Variants in GRIN2A observed in about 807,000 individuals in gnomAD.
The protein encoded by GRIN2A is glutamate ionotropic receptor NMDA type subunit 2A.
Under a neutral mutation model 113.4 loss-of-function variants are expected in GRIN2A, and 22 were observed. The observed-to-expected ratio is 0.19, with a 90% CI of 0.14 to 0.28. GRIN2A has a LOEUF of 0.28. GRIN2A is among the 10% of genes least tolerant of loss of function. GRIN2A has a pLI of 1.00. For synonymous variants in GRIN2A, 827 were observed against 738.4 expected, an observed-to-expected ratio of 1.12 and a Z score of -1.94; for missense variants, 1,502 against 1,887.0, an observed-to-expected ratio of 0.80 and a Z score of 3.78.
At chr16:10,012,370 C>A (rs1317574907) in intron 2 of GRIN2A, among the ~76,000 whole-genome samples, 5 of 152,292 alleles carry the variant, frequency 3.3e-5, no homozygotes, top group Middle Eastern at 3.4e-3. Context: ...ATGCATTTAA[C>A]CCTCATATGC....
At chr16:9,971,468 A>T (rs2045668181) in intron 2 of GRIN2A, among the ~76,000 whole-genome samples, 1 of 152,252 alleles carries the variant, frequency 6.6e-6, no homozygotes, top group South Asian at 2.1e-4. Flanking sequence ...CTCAGCTGTT[A>T]TTACATGCAG....
At chr16:9,779,735 T>A (rs1170755085) in intron 11 of GRIN2A, among the ~76,000 whole-genome samples, 2 of 144,658 alleles carry the variant, frequency 1.4e-5, no homozygotes, top group African/African-American at 4.9e-5. Flanking sequence ...TCTCAGCTCT[T>A]CCTTTGATGA....
Position 9,938,154 on chromosome 16 carries a change from T to G in GRIN2A, c.812A>C (p.Glu271Ala). 1 of 1,614,100 alleles carries G rather than the reference T, an allele frequency of 6.2e-7. No individual in the cohort carries two copies. The highest frequency in any genetic ancestry group is 8.5e-7 in the Non-Finnish European group (1 of 1,180,008). The change falls in exon 3 of 13, where the codon GAG (glutamate) becomes GCG (alanine). Residue 271 changes from glutamate (E) to alanine (A), a missense_variant. Physicochemically the swap from Glu to Ala is moderately radical, Grantham distance 107. This residue lies in a region of GRIN2A where 334 missense variants were observed against 403.0 expected (regional missense o/e 0.83). Transcript: ENST00000330684. ...GACAGAAATGAGTCCCGATGGAAAC[T>G]CTTTTGGGATGAGCTCCGTGTTCCC... The part of the protein sequence containing the change: ...VSGNTELIPK[E>A]FPSGLISVSY...
intron 3 of GRIN2A, among the ~76,000 whole-genome samples, chr16:9,891,942 G>A (rs2043702355): frequency 6.6e-6 from 1 of 151,976 alleles, no homozygotes; most frequent in East Asian, 1.9e-4. Flanking sequence ...TAAAACCGTG[G>A]GAAGGTGCAG....
chr16:9,763,909 G>A lies in GRIN2A; in HGVS notation c.3635C>T (p.Thr1212Met), dbSNP rs1042202486. 3 of 1,613,980 alleles carry A rather than the reference G, an allele frequency of 1.9e-6. No homozygotes were observed. The highest frequency in any genetic ancestry group is 1.7e-6 in the Non-Finnish European group (2 of 1,179,992). Residue 1212 changes from threonine to methionine, a missense_variant, in exon 13 of 13, where the codon ACG becomes ATG. Thr to Met is a moderately conservative substitution (Grantham distance 81). This residue lies in a region of GRIN2A where 832 missense variants were observed against 789.7 expected (regional missense o/e 1.05). Transcript: ENST00000330684. ...ETSERYRQNS[T>M]HCRSCLSNMP... The stretch of plus-strand genomic sequence containing the variant: ...GTTGGAAAGGCAGCTTCTGCAGTGC[G>A]TGGAGTTCTGCCGGTATCGCTCGCT...
Position 9,760,204 on chromosome 16 carries a change from C to T in GRIN2A, c.*2945G>A. ...ATCTTCTGTGATAGATCTATAGTCT[C>T]AGGCTTCCAGGCTTCCTATTTAATT... is the stretch of plus-strand genomic sequence containing the variant. On this transcript the variant is annotated 3_prime_UTR_variant, in exon 13 of 13. Transcript: ENST00000330684. The T allele has an allele frequency of 4.4e-6, 1 of 226,624 alleles. No individual in the cohort carries two copies. The allele number at this position is 226,624 out of a possible 1,614,324, so 14.0% of individuals were successfully genotyped here.
At chr16:10,158,257 A>G (rs1167042612) in intron 2 of GRIN2A, among the ~76,000 whole-genome samples, 2 of 152,204 alleles carry the variant, frequency 1.3e-5, no homozygotes, top group Non-Finnish European at 2.9e-5. Context: ...CACCCGTCTC[A>G]GCCTCCCAAA....
chr16:10,065,004 G>C (rs750231397), intron 2 of GRIN2A, among the ~76,000 whole-genome samples: 15 of 152,190 alleles, frequency 9.9e-5, no homozygotes, highest in Non-Finnish European at 2.1e-4. Context: ...TCCATATGCA[G>C]ATAAATGAAA....
At chr16:10,051,513 T>C (rs2047359725) in intron 2 of GRIN2A, among the ~76,000 whole-genome samples, 1 of 152,092 alleles carries the variant, frequency 6.6e-6, no homozygotes, top group Non-Finnish European at 1.5e-5. Context: ...AATGAATGAG[T>C]AGTAACTCAA....
chr16:10,035,577 T>C (rs7204100), intron 2 of GRIN2A, among the ~76,000 whole-genome samples: 95,070 of 152,048 alleles, frequency 0.63, 30,281 homozygotes, highest in East Asian at 0.95. Flanking sequence ...GCCAGGGGCT[T>C]TCAAACTTGA....
At chr16:10,131,527 C>T (rs1358360921) in intron 2 of GRIN2A, among the ~76,000 whole-genome samples, 4 of 151,618 alleles carry the variant, frequency 2.6e-5, no homozygotes, top group Non-Finnish European at 5.9e-5. Flanking sequence ...GGACAGAGAG[C>T]ACCTCTGCTC....
At chr16:9,809,284 A>G (rs746771867) in intron 10 of GRIN2A, among the ~76,000 whole-genome samples, 3 of 152,012 alleles carry the variant, frequency 2.0e-5, no homozygotes, top group Non-Finnish European at 4.4e-5. Context: ...GCTGGGCGTC[A>G]TGGCGCACCC....
rs193096277 is a variant in GRIN2A, at chr16:9,789,343, G to A, written c.2356+8934C>T. On this transcript the variant is annotated intron_variant, in intron 11 of 12. Transcript: ENST00000330684. ...TTCAGCCTCATGGTACTAATTTCTG[G>A]GCCCCTGAAGGTACAGTCCCTCTCT... Among the ~76,000 whole-genome samples the A allele has an allele frequency of 2.7e-3, 408 of 152,110 alleles. 1 individual carries two copies. Among genetic ancestry groups the A allele is most frequent in the Non-Finnish European group, 2.6e-3 (176 of 68,006 alleles).
intron 2 of GRIN2A, among the ~76,000 whole-genome samples, chr16:9,941,014 G>C (rs551026782): frequency 6.6e-6 from 1 of 152,178 alleles, no homozygotes; most frequent in Admixed American, 6.5e-5. Flanking sequence ...AAAGAAATGT[G>C]ATAGCTCCCA....
intron 5 of GRIN2A, among the ~76,000 whole-genome samples, chr16:9,844,704 C>T (rs933417130): frequency 1.3e-5 from 2 of 152,304 alleles, no homozygotes; most frequent in South Asian, 2.1e-4. Flanking sequence ...GGCTCCTGTC[C>T]ACCACGCAGA....
At chr16:9,839,215 A>G (rs1164781877) in intron 7 of GRIN2A, among the ~76,000 whole-genome samples, 1 of 152,150 alleles carries the variant, frequency 6.6e-6, no homozygotes, top group Non-Finnish European at 1.5e-5. Flanking sequence ...TTACAGTCAA[A>G]ACTCATTTAT....
At chr16:9,942,766 T>G (rs2044915030) in intron 2 of GRIN2A, among the ~76,000 whole-genome samples, 1 of 152,172 alleles carries the variant, frequency 6.6e-6, no homozygotes, top group South Asian at 2.1e-4. Context: ...AATGAATCCA[T>G]GCTTTGGAGA....
At chr16:9,881,966 A>G (rs2043489707) in intron 4 of GRIN2A, among the ~76,000 whole-genome samples, 1 of 152,192 alleles carries the variant, frequency 6.6e-6, no homozygotes. Context: ...TGTGCGGAGA[A>G]GCCAAGAACA....
chr16:10,015,631 A>G lies in GRIN2A; in HGVS notation c.415-77080T>C, dbSNP rs139274945. Among the ~76,000 whole-genome samples the G allele has an allele frequency of 4.1e-3, 617 of 152,344 alleles. 5 individuals are homozygous for G. The highest frequency in any genetic ancestry group is 0.014 in the African/African-American group (565 of 41,580). ...CTAGATTCATTTGCATGTATATAAC[A>G]TTGCAGTGTAAGCTTTCTTCTAAGC... On this transcript the variant is annotated intron_variant, in intron 2 of 12. Transcript: ENST00000330684.
Sources: allele counts gnomAD v4.1 joint callset (sites outside exome capture counted in the v4.1 genomes callset), GRCh38; gene constraint gnomAD v4.1.1; regional missense constraint gnomAD v4.1.1; transcripts MANE v1.5; gene names NCBI Gene and HGNC (gene_info 2026-07-23, HGNC 2026-07-21).